Variants in PACS1 observed in about 807,000 individuals in gnomAD.
PACS1 encodes the protein phosphofurin acidic cluster sorting protein 1.
PACS1 carries 24 observed loss-of-function variants against 115.0 expected under a neutral mutation model. The observed-to-expected ratio is 0.21, with a 90% confidence interval of 0.15 to 0.29. PACS1 has a LOEUF of 0.29. PACS1 is among the 10% of genes least tolerant of loss of function. The probability of loss-of-function intolerance (pLI) is 1.00; values close to 1 mark genes in which losing one functional copy is unlikely to be tolerated. For synonymous variants in PACS1, 453 were observed against 504.5 expected (o/e 0.90, Z 1.37); for missense variants, 838 against 1,251.2 (o/e 0.67, Z 4.98).
chr11:66,130,172 A>G lies in PACS1; in HGVS notation c.356+59330A>G, dbSNP rs7121996. Among the ~76,000 whole-genome samples, 699 of 152,234 alleles carry G rather than the reference A, an allele frequency of 4.6e-3. 5 individuals are homozygous for G. The highest frequency in any genetic ancestry group is 0.015 in the African/African-American group (624 of 41,530). ...TCAGGGTGAGAAGATAGCTGTGTAT[A>G]TGTATAATTTCAGCAGCATGACAAA... On this transcript the variant is annotated intron_variant, in intron 1 of 23. Transcript: ENST00000320580.
At chr11:66,186,174 T>A (rs866449520) in intron 1 of PACS1, among the ~76,000 whole-genome samples, 1 of 151,618 alleles carries the variant, frequency 6.6e-6, no homozygotes, top group Non-Finnish European at 1.5e-5. Context: ...ACTTAGGAGG[T>A]TGAGATGGGA....
At position 66,232,986 on chromosome 11, in the gene PACS1, G is replaced by A; in HGVS notation, c.1758G>A (p.Gln586=). 1 of 1,612,992 alleles carries A rather than the reference G, an allele frequency of 6.2e-7. No homozygotes were observed. The highest frequency in any genetic ancestry group is 8.5e-7 in the Non-Finnish European group (1 of 1,179,966). The part of the protein sequence containing the change: ...GQYVAELLQD[Q]RKPVVCTCST... ...ATGTGGCTGAGCTGCTCCAGGACCAGCGGAAGCCTGTGGTGTGCACCTGCT... is the reference window on the plus strand; with the variant it reads ...ATGTGGCTGAGCTGCTCCAGGACCAACGGAAGCCTGTGGTGTGCACCTGCT... Residue 586 remains glutamine, a synonymous_variant, in exon 15 of 24, where the codon CAG becomes CAA. Coordinates refer to ENST00000320580, the MANE Select transcript of PACS1 (RefSeq NM_018026.4).
chr11:66,239,915 G>A lies in PACS1; in HGVS notation c.2429+638G>A, dbSNP rs374887395. 1.1e-3 allele frequency among the ~76,000 whole-genome samples: 163 copies of A among 152,256 alleles called. 4 individuals carry two copies. The South Asian group carries it at 0.033, about 30-fold the overall frequency. On this transcript the variant is annotated intron_variant, in intron 21 of 23. Transcript: ENST00000320580. ...CTCATCCTGTAGTTCCAGCCACTCCGGAGGCCAAGGCCGGAGGATCGCTTG... is the reference window on the plus strand; with the variant it reads ...CTCATCCTGTAGTTCCAGCCACTCCAGAGGCCAAGGCCGGAGGATCGCTTG...
At chr11:66,123,880 A>G (rs1213051455) in intron 1 of PACS1, among the ~76,000 whole-genome samples, 4 of 151,934 alleles carry the variant, frequency 2.6e-5, no homozygotes, top group African/African-American at 9.7e-5. Context: ...TGCACAGTTG[A>G]TAGACTACTG....
chr11:66,100,789 T>C (rs1857898935), intron 1 of PACS1: 1 of 456,174 alleles, frequency 2.2e-6, no homozygotes, highest in Non-Finnish European at 4.4e-6. Context: ...TGGCAGCTGA[T>C]GCCAGCTATT....
chr11:66,070,733 G>A lies in PACS1; in HGVS notation c.247G>A (p.Gly83Ser). The A allele has an allele frequency of 6.4e-7, 1 of 1,566,670 alleles. No individual in the cohort carries two copies. The highest frequency in any genetic ancestry group is 8.6e-7 in the Non-Finnish European group (1 of 1,164,460). Residue 83 changes from glycine to serine, a missense_variant, in exon 1 of 24, where the codon GGC (glycine) becomes AGC (serine). Gly to Ser is a moderately conservative substitution (Grantham distance 56). This residue lies in a region of PACS1 where 129 missense variants were observed against 109.4 expected (regional missense o/e 1.18). Coordinates refer to ENST00000320580, the MANE Select transcript of PACS1 (RefSeq NM_018026.4). The surrounding 1 kb of genome is among the most constrained non-coding windows in gnomAD (Gnocchi z 5.9). ...CTCCATGGCCGTGGCGGTGGCCTCG[G>A]GCTCCGCGCCTCCCGGTGGCCCGGG... Reference protein sequence around the residue: ...STSMAVAVASGSAPPGGPGPG... With the variant: ...STSMAVAVASSSAPPGGPGPG...
chr11:66,149,400 CT>C (rs1243219501), intron 1 of PACS1, among the ~76,000 whole-genome samples: 1 of 151,804 alleles, frequency 6.6e-6, no homozygotes, highest in African/African-American at 2.4e-5. Flanking sequence ...CCAACACGCA[CT>C]TTTTTTTCTT....
At chr11:66,167,078 A>C (rs801733) in intron 1 of PACS1, among the ~76,000 whole-genome samples, 44,363 of 149,938 alleles carry the variant, frequency 0.3, 7,833 homozygotes, top group Non-Finnish European at 0.35. Flanking sequence ...ACACACACCT[A>C]GTTTTGCCAA....
chr11:66,222,365 C>T (rs1384183357), intron 10 of PACS1, among the ~76,000 whole-genome samples: 1 of 152,014 alleles, frequency 6.6e-6, no homozygotes, highest in African/African-American at 2.4e-5. Flanking sequence ...TTCTGGTGAG[C>T]AAGGGGAAAA....
chr11:66,160,663 ATTTTTTTTTTTTT>A (rs58145434), intron 1 of PACS1, among the ~76,000 whole-genome samples: 1 of 116,220 alleles, frequency 8.6e-6, no homozygotes, highest in Admixed American at 9.2e-5. Flanking sequence ...TGCCTGGCTG[ATTTTTTTTTTTTT>A]TTTTTTTTTT....
chr11:66,233,205 T>C lies in PACS1; in HGVS notation c.1838+139T>C, dbSNP rs1332024379. 1.6e-6 allele frequency: 1 copy of C among 629,200 alleles called. No individual in the cohort carries two copies. Among genetic ancestry groups the C allele is most frequent in the African/African-American group, 1.8e-5 (1 of 54,488 alleles). 39.0% of individuals were successfully genotyped at this position (629,200 alleles called of 1,614,324 possible). A position where few individuals can be genotyped will look rare whatever the true frequency, so the allele number is the denominator to read the frequency against. On this transcript the variant is annotated intron_variant, in intron 15 of 23. Transcript: ENST00000320580. The surrounding 1 kb of genome is among the most constrained non-coding windows in gnomAD (Gnocchi z 4.5). ...GCAGAGGGGCGTATGTTTAGGGGGG[T>C]GGCGGCAGCAGGCTGTAGGGCTTGA...
intron 1 of PACS1, among the ~76,000 whole-genome samples, chr11:66,185,656 A>G (rs1344922543): frequency 6.6e-6 from 1 of 152,208 alleles, no homozygotes; most frequent in Non-Finnish European, 1.5e-5. Context: ...GCAGAGAGGT[A>G]GCTAGAGAGC....
At chr11:66,100,126 C>T (rs914156513) in intron 1 of PACS1, among the ~76,000 whole-genome samples, 2 of 152,140 alleles carry the variant, frequency 1.3e-5, no homozygotes, top group African/African-American at 2.4e-5. Context: ...GTGATCTGCC[C>T]GCCTCGGCCT....
intron 1 of PACS1, among the ~76,000 whole-genome samples, chr11:66,188,001 C>T (rs1218097529): frequency 2.6e-5 from 4 of 152,084 alleles, no homozygotes; most frequent in Non-Finnish European, 5.9e-5. Flanking sequence ...TTGATAGTAG[C>T]CAGCCCAACT....
intron 1 of PACS1, among the ~76,000 whole-genome samples, chr11:66,077,775 T>C (rs1857421684): frequency 6.7e-6 from 1 of 148,502 alleles, no homozygotes; most frequent in Non-Finnish European, 1.5e-5. Flanking sequence ...CAGTCTCGGC[T>C]CACGGAAACC....
chr11:66,150,763 A>G (rs1021387140), intron 1 of PACS1, among the ~76,000 whole-genome samples: 13 of 152,240 alleles, frequency 8.5e-5, no homozygotes, highest in Non-Finnish European at 1.8e-4. Flanking sequence ...CCTCCTACAG[A>G]TAACAATTGA....
intron 1 of PACS1, among the ~76,000 whole-genome samples, chr11:66,160,871 G>C (rs10488727): frequency 0.027 from 4,041 of 152,036 alleles, 169 homozygotes; most frequent in African/African-American, 0.092. Context: ...TAATAGAACA[G>C]TGTTAGCATC....
At chr11:66,105,259 A>C (rs1306539638) in intron 1 of PACS1, among the ~76,000 whole-genome samples, 1 of 152,096 alleles carries the variant, frequency 6.6e-6, no homozygotes, top group African/African-American at 2.4e-5. Context: ...CCCCATCTCT[A>C]CTAAAAATAC....
At chr11:66,234,013 G>A (rs1035506525) in intron 16 of PACS1, 74 bp downstream of exon 16, 14 of 1,571,108 alleles carry the variant, frequency 8.9e-6, no homozygotes, top group East Asian at 6.7e-5. Flanking sequence ...GGAACAGGAC[G>A]GTGGGGTTGG....
Sources: allele counts gnomAD v4.1 joint callset (sites outside exome capture counted in the v4.1 genomes callset), GRCh38; gene constraint gnomAD v4.1.1; regional missense constraint gnomAD v4.1.1; non-coding constraint Gnocchi (gnomAD v3.1); transcripts MANE v1.5; gene names NCBI Gene and HGNC (gene_info 2026-07-23, HGNC 2026-07-21).